Variants in FOXP2 observed in about 807,000 individuals in gnomAD.
The protein encoded by FOXP2 is forkhead box P2, also known as forkhead box protein P2.
FOXP2 carries 12 observed loss-of-function variants against 115.8 expected under a neutral mutation model. That is an observed-to-expected ratio of 0.10 (90% CI 0.07 to 0.17). FOXP2 has a LOEUF of 0.17. FOXP2 is among the 10% of genes least tolerant of loss of function. The pLI, the probability that FOXP2 is intolerant of heterozygous loss-of-function variation, is 1.00. For synonymous variants in FOXP2, 328 were observed against 297.7 expected (o/e 1.10, Z -1.05); for missense variants, 629 against 843.5 (o/e 0.75, Z 3.15).
At chr7:114,656,036 G>C (rs1426022160) in intron 10 of FOXP2, among the ~76,000 whole-genome samples, 1 of 152,116 alleles carries the variant, frequency 6.6e-6, no homozygotes, top group Non-Finnish European at 1.5e-5. Context: ...TATTTTATCA[G>C]TTTGTGATTG....
At chr7:114,463,749 C>T (rs116108052) in intron 2 of FOXP2, among the ~76,000 whole-genome samples, 1,692 of 152,256 alleles carry the variant, frequency 0.011, 28 homozygotes, top group African/African-American at 0.039. Context: ...TCCATAATCT[C>T]TGTTATGGCT....
chr7:114,605,886 A>G (rs909537187), intron 3 of FOXP2, among the ~76,000 whole-genome samples: 1 of 152,204 alleles, frequency 6.6e-6, no homozygotes, highest in Non-Finnish European at 1.5e-5. Context: ...GTAGTGGCCT[A>G]AAGAGATTTG....
chr7:114,664,599 G>A lies in FOXP2; in HGVS notation c.2003+163G>A, dbSNP rs72603570. 0.05 allele frequency: 40,779 copies of A among 818,212 alleles called. 4,123 individuals are homozygous for A. The highest frequency in any genetic ancestry group is 0.39 in the East Asian group (14,395 of 36,930). 50.7% of individuals were successfully genotyped at this position (818,212 alleles called of 1,614,324 possible). A position where few individuals can be genotyped will look rare whatever the true frequency, so the allele number is the denominator to read the frequency against. On this transcript the variant is annotated intron_variant, in intron 16 of 16. Coordinates refer to ENST00000350908, the MANE Select transcript of FOXP2 (RefSeq NM_014491.4). ...TAATATGACAAAGTTTATCAAAATC[G>A]GTTTTAATACATTTTTTAGATGATC...
chr7:114,149,253 T>G lies in FOXP2; in HGVS notation c.-246-13691T>G, dbSNP rs571746954. 1.6e-3 allele frequency among the ~76,000 whole-genome samples: 246 copies of G among 152,104 alleles called. 1 individual carries two copies. Among genetic ancestry groups the G allele is most frequent in the African/African-American group, 5.5e-3 (228 of 41,454 alleles). ...ACTTTTTCTCCTGGGTTGGTTGGTTTGTTTGAGTCCTACTCTTTTACCAGT... is the reference window on the plus strand; with the variant it reads ...ACTTTTTCTCCTGGGTTGGTTGGTTGGTTTGAGTCCTACTCTTTTACCAGT... On this transcript the variant is annotated intron_variant, in intron 1 of 19. Coordinates refer to the FOXP2 transcript ENST00000635638.
chr7:114,251,458 C>G (rs183794480), intron 1 of FOXP2, among the ~76,000 whole-genome samples: 18 of 152,134 alleles, frequency 1.2e-4, no homozygotes, highest in Admixed American at 3.3e-4. Context: ...TTGTTTGTGT[C>G]CTCTTTTATT....
Position 114,400,323 on chromosome 7 carries a change from G to A in FOXP2, c.-10-26179G>A, listed in dbSNP as rs145095996. Among the ~76,000 whole-genome samples, 431 of 151,956 alleles carry A rather than the reference G, an allele frequency of 2.8e-3. 2 individuals are homozygous for A. Among genetic ancestry groups the A allele is most frequent in the African/African-American group, 9.8e-3 (406 of 41,434 alleles). On this transcript the variant is annotated intron_variant, in intron 2 of 17. Transcript: ENST00000634411. Reference sequence around the variant, plus strand: ...AAGCTAATTTCTTCAGAATTTTTAAGGACTGAGAAGTCCCTCATAAATTAA... The same window carrying A: ...AAGCTAATTTCTTCAGAATTTTTAAAGACTGAGAAGTCCCTCATAAATTAA...
intron 3 of FOXP2, among the ~76,000 whole-genome samples, chr7:114,621,298 T>G (rs1223165347): frequency 6.6e-6 from 1 of 152,082 alleles, no homozygotes; most frequent in Non-Finnish European, 1.5e-5. Flanking sequence ...AATATTTTTC[T>G]AATTCTGAGG....
At chr7:114,092,781 A>G (rs994660019) in intron 1 of FOXP2, among the ~76,000 whole-genome samples, 1 of 152,098 alleles carries the variant, frequency 6.6e-6, no homozygotes, top group Non-Finnish European at 1.5e-5. Context: ...ATGTTCCAGG[A>G]TTTGGTTGAT....
chr7:114,450,570 A>G (rs914163359), intron 2 of FOXP2, among the ~76,000 whole-genome samples: 5 of 152,008 alleles, frequency 3.3e-5, no homozygotes, highest in Non-Finnish European at 2.9e-5. Flanking sequence ...GTCTTTTGTG[A>G]TGCACATTCA....
At chr7:114,650,541 A>G (rs1806190233) in intron 8 of FOXP2, among the ~76,000 whole-genome samples, 1 of 152,084 alleles carries the variant, frequency 6.6e-6, no homozygotes, top group African/African-American at 2.4e-5. Context: ...TTTTGGGGGA[A>G]AAAACCCTGG....
intron 2 of FOXP2, chr7:114,498,808 T>G (rs1243898220): frequency 2.8e-6 from 2 of 716,998 alleles, no homozygotes; most frequent in Admixed American, 4.0e-5. Flanking sequence ...GGGGTATATG[T>G]CAGGATGATT....
At chr7:114,122,156 C>CT (rs147723271) in intron 1 of FOXP2, among the ~76,000 whole-genome samples, 9,069 of 152,104 alleles carry the variant, frequency 0.06, 527 homozygotes, top group African/African-American at 0.16. Flanking sequence ...GCATAAAACA[C>CT]TTAAGCCATT....
intron 2 of FOXP2, among the ~76,000 whole-genome samples, chr7:114,303,609 CTCCTTCT>C (rs1796928820): frequency 6.6e-6 from 1 of 151,946 alleles, no homozygotes; most frequent in Middle Eastern, 3.2e-3. Context: ...CAGAGTTTTA[CTCCTTCT>C]GTGTTCTTAA....
At chr7:114,586,215 T>C (rs971315612) in intron 3 of FOXP2, among the ~76,000 whole-genome samples, 7 of 152,200 alleles carry the variant, frequency 4.6e-5, no homozygotes, top group South Asian at 4.1e-4. Flanking sequence ...TTAAGAACTA[T>C]ACTATTAAGA....
chr7:114,345,793 T>G (rs529794110), intron 2 of FOXP2, among the ~76,000 whole-genome samples: 63 of 151,858 alleles, frequency 4.1e-4, no homozygotes, highest in African/African-American at 1.4e-3. Context: ...AAAGTACAGC[T>G]TATATCTGTA....
intron 3 of FOXP2, among the ~76,000 whole-genome samples, chr7:114,535,799 A>T (rs1220887189): frequency 6.6e-6 from 1 of 151,670 alleles, no homozygotes; most frequent in Non-Finnish European, 1.5e-5. Flanking sequence ...AAGAAGAGGG[A>T]CTTGGGGATA....
chr7:114,212,504 G>A (rs1018436576), intron 1 of FOXP2, among the ~76,000 whole-genome samples: 7 of 151,588 alleles, frequency 4.6e-5, no homozygotes, highest in African/African-American at 1.7e-4. Flanking sequence ...TTCCATTGAG[G>A]TAGCATGAAA....
At chr7:114,146,653 A>T (rs1792376835) in intron 1 of FOXP2, among the ~76,000 whole-genome samples, 1 of 152,238 alleles carries the variant, frequency 6.6e-6, no homozygotes, top group South Asian at 2.1e-4. Flanking sequence ...AACATTATAA[A>T]CGTAAAAAAC....
chr7:114,308,692 C>T (rs905271865), intron 2 of FOXP2, among the ~76,000 whole-genome samples: 10 of 152,160 alleles, frequency 6.6e-5, no homozygotes, highest in African/African-American at 2.2e-4. Flanking sequence ...GACTGTTCAT[C>T]AATTACCTTG....
Sources: allele counts gnomAD v4.1 joint callset (sites outside exome capture counted in the v4.1 genomes callset), GRCh38; gene constraint gnomAD v4.1.1; transcripts MANE v1.5; gene names NCBI Gene and HGNC (gene_info 2026-07-23, HGNC 2026-07-21).